Variants in XYLT1 observed in about 807,000 individuals in gnomAD.
XYLT1 encodes the protein xylosyltransferase 1.
In XYLT1, 36 loss-of-function variants were observed where a neutral mutation model predicts 91.3. That is an observed-to-expected ratio of 0.39 (90% CI 0.30 to 0.52). The LOEUF is 0.52. Ranked by LOEUF, XYLT1 falls within the 20% of genes least tolerant of loss-of-function variation. The pLI is 0.68. For missense variants in XYLT1, 1,242 were observed against 1,284.5 expected (o/e 0.97, Z 0.51); for synonymous variants, 588 against 532.0 (o/e 1.11, Z -1.45).
At position 17,323,372 on chromosome 16, in the gene XYLT1, C is replaced by A. The variant is rs1259802614; in HGVS notation, c.402+34640G>T. 1.3e-5 allele frequency among the ~76,000 whole-genome samples: 2 copies of A among 152,190 alleles called. 1 individual carries two copies. Among genetic ancestry groups the A allele is most frequent in the South Asian group, 4.1e-4 (2 of 4,830 alleles). On this transcript the variant is annotated intron_variant, in intron 2 of 11. Coordinates refer to ENST00000261381, the MANE Select transcript of XYLT1 (RefSeq NM_022166.4). ...GTTTTTGGCATCTTCGCGCAGACGG[C>A]ACCATTGGGAATTCCTAACTCGGGC...
intron 4 of XYLT1, among the ~76,000 whole-genome samples, chr16:17,199,413 C>A (rs2032490830): frequency 6.6e-6 from 1 of 152,172 alleles, no homozygotes; most frequent in South Asian, 2.1e-4. Flanking sequence ...TGCTGAGTAG[C>A]TGTGACAGAG....
intron 3 of XYLT1, among the ~76,000 whole-genome samples, chr16:17,202,020 G>A (rs1280299000): frequency 3.9e-5 from 6 of 152,088 alleles, no homozygotes; most frequent in Non-Finnish European, 7.4e-5. Flanking sequence ...AATAGTCCCA[G>A]ACATATTTTA....
intron 1 of XYLT1, among the ~76,000 whole-genome samples, chr16:17,452,523 T>G (rs2036680345): frequency 6.6e-6 from 1 of 152,168 alleles, no homozygotes; most frequent in Non-Finnish European, 1.5e-5. Flanking sequence ...TAAAATAGAC[T>G]ACCAGTTTTC....
intron 6 of XYLT1, among the ~76,000 whole-genome samples, chr16:17,145,553 T>C (rs1269678444): frequency 1.3e-5 from 2 of 152,288 alleles, no homozygotes; most frequent in African/African-American, 4.8e-5. Context: ...TGTCTGACAA[T>C]GGAGCAAACT....
At chr16:17,466,842 C>T (rs985355073) in intron 1 of XYLT1, among the ~76,000 whole-genome samples, 5 of 151,598 alleles carry the variant, frequency 3.3e-5, no homozygotes, top group African/African-American at 1.2e-4. Context: ...TTTCTGTATA[C>T]AAAGTGTAAT....
At chr16:17,325,465 T>C (rs549844348) in intron 2 of XYLT1, among the ~76,000 whole-genome samples, 5 of 152,218 alleles carry the variant, frequency 3.3e-5, no homozygotes, top group African/African-American at 4.8e-5. Flanking sequence ...ATTGCCAATA[T>C]TGACCCTTTT....
At chr16:17,194,003 G>C (rs1159006405) in intron 5 of XYLT1, 1 of 152,170 alleles carries the variant, frequency 6.6e-6, no homozygotes, top group African/African-American at 2.4e-5. Context: ...AGAGTGACCT[G>C]GGGCACTAAA....
At chr16:17,346,346 G>A (rs1203949419) in intron 2 of XYLT1, among the ~76,000 whole-genome samples, 2 of 152,066 alleles carry the variant, frequency 1.3e-5, no homozygotes, top group African/African-American at 4.8e-5. Context: ...GCAGGGGACA[G>A]GACAAACAAT....
chr16:17,408,803 G>A (rs372796816), intron 1 of XYLT1, among the ~76,000 whole-genome samples: 37 of 152,054 alleles, frequency 2.4e-4, no homozygotes, highest in African/African-American at 7.2e-4. Context: ...CCAAGAGATC[G>A]CACCATTACA....
At chr16:17,428,717 C>A (rs1278144897) in intron 1 of XYLT1, among the ~76,000 whole-genome samples, 1 of 152,148 alleles carries the variant, frequency 6.6e-6, no homozygotes, top group Non-Finnish European at 1.5e-5. Context: ...AGCTTTCGGC[C>A]GTGTGGTAGT....
chr16:17,238,819 C>T (rs1255037524), intron 3 of XYLT1, among the ~76,000 whole-genome samples: 1 of 152,236 alleles, frequency 6.6e-6, no homozygotes, highest in Admixed American at 6.5e-5. Context: ...GGACTCCATC[C>T]TTTTCAGTTT....
intron 3 of XYLT1, among the ~76,000 whole-genome samples, chr16:17,246,267 C>T (rs1312981541): frequency 3.9e-5 from 6 of 152,216 alleles, no homozygotes; most frequent in Non-Finnish European, 8.8e-5. Flanking sequence ...TGGCATTTAA[C>T]AATCCCTACG....
chr16:17,139,212 T>C (rs116822347), intron 7 of XYLT1, among the ~76,000 whole-genome samples: 2,312 of 152,300 alleles, frequency 0.015, 54 homozygotes, highest in African/African-American at 0.052. Flanking sequence ...ATTTCTATAA[T>C]AGACAGTCCC....
chr16:17,237,256 G>C (rs924648655), intron 3 of XYLT1, among the ~76,000 whole-genome samples: 1 of 152,170 alleles, frequency 6.6e-6, no homozygotes, highest in Non-Finnish European at 1.5e-5. Flanking sequence ...TCCAGAAGGA[G>C]ATCTGTGTTT....
At chr16:17,294,309 G>C (rs1430706019) in intron 2 of XYLT1, among the ~76,000 whole-genome samples, 1 of 152,170 alleles carries the variant, frequency 6.6e-6, no homozygotes, top group Admixed American at 6.5e-5. Flanking sequence ...CATCTCTCAG[G>C]CTGTTTCTAG....
chr16:17,444,118 A>C (rs1384381973), intron 1 of XYLT1, among the ~76,000 whole-genome samples: 1 of 150,878 alleles, frequency 6.6e-6, no homozygotes. Flanking sequence ...AGAGGTCCTC[A>C]TAATGTTTCC....
chr16:17,119,925 C>T (rs2029986809), intron 10 of XYLT1, among the ~76,000 whole-genome samples: 1 of 152,184 alleles, frequency 6.6e-6, no homozygotes, highest in Non-Finnish European at 1.5e-5. Context: ...GGGTGGCTGC[C>T]ATCTGTGTAC....
At chr16:17,142,788 G>A (rs529585411) in intron 6 of XYLT1, among the ~76,000 whole-genome samples, 1 of 152,020 alleles carries the variant, frequency 6.6e-6, no homozygotes, top group Non-Finnish European at 1.5e-5. Context: ...ATGATATTTA[G>A]AGGTATCTGC....
At chr16:17,463,664 G>T (rs2036850307) in intron 1 of XYLT1, among the ~76,000 whole-genome samples, 1 of 152,246 alleles carries the variant, frequency 6.6e-6, no homozygotes, top group Non-Finnish European at 1.5e-5. Flanking sequence ...GAGTATGAAG[G>T]TTCTTCACAA....
Sources: allele counts gnomAD v4.1 joint callset (sites outside exome capture counted in the v4.1 genomes callset), GRCh38; gene constraint gnomAD v4.1.1; transcripts MANE v1.5; gene names NCBI Gene and HGNC (gene_info 2026-07-23, HGNC 2026-07-21).